Variants in EYS observed in about 807,000 individuals in gnomAD.
The protein encoded by EYS is EGF-like photoreceptor maintenance factor.
Under a neutral mutation model 282.1 loss-of-function variants are expected in EYS, and 250 were observed. That is an observed-to-expected ratio of 0.89 (90% CI 0.80 to 0.98). The LOEUF (loss-of-function observed/expected upper bound fraction) is 0.98. Ranked by LOEUF, EYS falls within the 50% of genes least tolerant of loss-of-function variation. The pLI is 0.00. For missense variants in EYS, 4,016 were observed against 3,709.0 expected (o/e 1.08, Z -2.15); for synonymous variants, 1,355 against 1,282.9 (o/e 1.06, Z -1.20).
intron 36 of EYS, among the ~76,000 whole-genome samples, chr6:63,855,176 G>C (rs1772360280): frequency 6.6e-6 from 1 of 152,222 alleles, no homozygotes; most frequent in South Asian, 2.1e-4. Context: ...GTGATCTAAA[G>C]AAAGACAAGT....
rs1773209037 is a variant in EYS at position 63,884,330 on chromosome 6, G to C, written c.7056-19972C>G. ...AATAAAAAAAAAAATTCAAATTTTA[G>C]ATGCAGCTGTCCTTTACTGGTAACT... On this transcript the variant is annotated intron_variant, in intron 35 of 42. Coordinates refer to ENST00000503581, the MANE Select transcript of EYS (RefSeq NM_001142800.2). 2.0e-5 allele frequency among the ~76,000 whole-genome samples: 3 copies of C among 152,020 alleles called. No homozygotes were observed. In the South Asian group the frequency reaches 6.2e-4, roughly 31 times the overall value.
chr6:64,394,101 A>T (rs1773264966), intron 28 of EYS, among the ~76,000 whole-genome samples: 1 of 152,194 alleles, frequency 6.6e-6, no homozygotes, highest in African/African-American at 2.4e-5. Flanking sequence ...TTCAAGGAGA[A>T]CTACAAACCA....
chr6:64,737,995 G>A, intron 22 of EYS, among the ~76,000 whole-genome samples: 1 of 152,118 alleles, frequency 6.6e-6, no homozygotes, highest in Non-Finnish European at 1.5e-5. Flanking sequence ...TTTCCTTATA[G>A]TCTTTCTTTA....
At chr6:65,476,127 C>T (rs751951576) in intron 5 of EYS, among the ~76,000 whole-genome samples, 4 of 152,032 alleles carry the variant, frequency 2.6e-5, no homozygotes, top group Admixed American at 6.6e-5. Flanking sequence ...GAGAAGCTCC[C>T]GTTTTTTGCG....
At chr6:64,087,494 A>G (rs1194346016) in intron 31 of EYS, among the ~76,000 whole-genome samples, 5 of 152,082 alleles carry the variant, frequency 3.3e-5, no homozygotes. Flanking sequence ...GATAAAAAGG[A>G]AAGTCCATAA....
In EYS at chr6:64,813,561, G is replaced by T. The variant is rs1432823818; in HGVS notation, c.3260C>A (p.Pro1087His). The change falls in exon 22 of 43, where the codon CCT (proline) becomes CAT (histidine). Residue 1087 changes from proline (P) to histidine (H), a missense_variant. Coordinates refer to ENST00000503581, the MANE Select transcript of EYS (RefSeq NM_001142800.2). ...CTGACAGAAGCCTTCATTCATACAA[G>T]GGATTGATGTGCAGTCCTAGATTAA... ...KIKINDCTSI[P>H]CMNEGFCQKS... 1 of 1,548,298 alleles carries T rather than the reference G, an allele frequency of 6.5e-7. No individual in the cohort carries two copies. Among genetic ancestry groups the T allele is most frequent in the South Asian group, 1.2e-5 (1 of 83,660 alleles).
At chr6:65,652,384 T>A (rs1327188420) in intron 1 of EYS, among the ~76,000 whole-genome samples, 1 of 151,818 alleles carries the variant, frequency 6.6e-6, no homozygotes, top group Non-Finnish European at 1.5e-5. Flanking sequence ...GGAGGAAAAA[T>A]TGTGCTGAAG....
At chr6:64,219,227 G>C (rs967799947) in intron 31 of EYS, among the ~76,000 whole-genome samples, 6 of 152,234 alleles carry the variant, frequency 3.9e-5, no homozygotes, top group Middle Eastern at 3.4e-3. Flanking sequence ...CAAAGGGAAG[G>C]GCAGAAGGGT....
intron 12 of EYS, among the ~76,000 whole-genome samples, chr6:65,186,632 G>A (rs1204861751): frequency 6.6e-6 from 1 of 151,650 alleles, no homozygotes; most frequent in African/African-American, 2.4e-5. Context: ...TAAGAATTAT[G>A]GATCATTTCA....
At chr6:65,016,821 CATT>C (rs559297429) in intron 13 of EYS, among the ~76,000 whole-genome samples, 21 of 152,236 alleles carry the variant, frequency 1.4e-4, no homozygotes, top group Admixed American at 2.6e-4. Flanking sequence ...TCATAAAACT[CATT>C]ATTCATATAC....
rs1064797324 is a variant in EYS at position 63,762,497 on chromosome 6, A to G, written c.8035T>C (p.Cys2679Arg). The part of the protein sequence containing the change: ...ISLPHGYTCF[C>R]PLGTTGIYCE... ...TAGATTCCAGTGGTTCCTAGAGGAC[A>G]GAAACAGGTGTATCCATGAGGTAAT... Residue 2679 changes from cysteine (C) to arginine (R), a missense_variant, in exon 41 of 43, where the codon TGT becomes CGT. Transcript: ENST00000503581. The G allele has an allele frequency of 6.5e-7, 1 of 1,550,266 alleles. No homozygotes were observed. Among genetic ancestry groups the G allele is most frequent in the South Asian group, 1.2e-5 (1 of 84,032 alleles).
At chr6:65,458,976 T>G (rs1054642917) in intron 5 of EYS, among the ~76,000 whole-genome samples, 2 of 152,112 alleles carry the variant, frequency 1.3e-5, no homozygotes, top group African/African-American at 4.8e-5. Context: ...TGCAAAATAA[T>G]CTTACAAAAA....
chr6:64,784,024 T>G lies in EYS; in HGVS notation c.3443+29354A>C, dbSNP rs138912579. On this transcript the variant is annotated intron_variant, in intron 22 of 42. Coordinates refer to ENST00000503581, the MANE Select transcript of EYS (RefSeq NM_001142800.2). ...TATGTTCATGACCTTACAGAGTTTA[T>G]GTACATATTTTGAAGCTTACCATAA... Among the ~76,000 whole-genome samples, 276 of 152,258 alleles carry G rather than the reference T, an allele frequency of 1.8e-3. 1 individual carries two copies. Among genetic ancestry groups the G allele is most frequent in the African/African-American group, 6.5e-3 (271 of 41,566 alleles).
intron 12 of EYS, among the ~76,000 whole-genome samples, chr6:65,116,647 C>T (rs1014337824): frequency 6.6e-6 from 1 of 151,486 alleles, no homozygotes; most frequent in African/African-American, 2.4e-5. Flanking sequence ...AGAAAACTAG[C>T]CAGGAAGGTA....
At chr6:64,042,978 C>G (rs561209479) in intron 33 of EYS, among the ~76,000 whole-genome samples, 7 of 152,156 alleles carry the variant, frequency 4.6e-5, no homozygotes, top group African/African-American at 1.7e-4. Context: ...GCTGGGTGAC[C>G]TTGGACAAGT....
chr6:65,525,740 T>C (rs1254617469), intron 2 of EYS, among the ~76,000 whole-genome samples: 1 of 152,230 alleles, frequency 6.6e-6, no homozygotes, highest in Non-Finnish European at 1.5e-5. Flanking sequence ...GACAACAGTA[T>C]ATCTTTACAG....
chr6:64,424,228 G>A (rs371537404), intron 28 of EYS, among the ~76,000 whole-genome samples: 33 of 152,094 alleles, frequency 2.2e-4, no homozygotes, highest in African/African-American at 7.0e-4. Context: ...GACAGTTTAC[G>A]ACCTACATAA....
chr6:65,348,607 G>A (rs1046760698), intron 9 of EYS, among the ~76,000 whole-genome samples: 5 of 151,462 alleles, frequency 3.3e-5, no homozygotes, highest in Non-Finnish European at 7.4e-5. Flanking sequence ...AGCTCCTTCT[G>A]TATTCTGGTT....
At chr6:65,605,254 G>A (rs1765746661) in intron 2 of EYS, among the ~76,000 whole-genome samples, 1 of 151,658 alleles carries the variant, frequency 6.6e-6, no homozygotes, top group South Asian at 2.1e-4. Flanking sequence ...GCATTGACAT[G>A]AATGGTATCA....
Sources: gnomAD v4.1 joint callset for allele counts (sites outside exome capture counted in the v4.1 genomes callset) on GRCh38, gnomAD v4.1.1 for gene constraint, MANE v1.5 for transcripts, NCBI Gene and HGNC (gene_info 2026-07-23, HGNC 2026-07-21) for gene names.